The following CABLES1 variants were observed in gnomAD, a reference collection of about 807,000 sequenced individuals.
The protein encoded by CABLES1 is CDK5 and ABL1 enzyme substrate 1.
Under a neutral mutation model 57.8 loss-of-function variants are expected in CABLES1, and 36 were observed. The ratio of observed to expected loss-of-function variants is 0.62; its 90% CI spans 0.48 to 0.82. CABLES1 has a LOEUF of 0.82. Ranked by LOEUF, CABLES1 falls within the 40% of genes least tolerant of loss-of-function variation. The pLI is 0.00. For missense variants in CABLES1, 767 were observed against 836.6 expected, an observed-to-expected ratio of 0.92 and a Z score of 1.03; for synonymous variants, 374 against 363.0, an observed-to-expected ratio of 1.03 and a Z score of -0.35.
At chr18:23,207,571 A>G (rs1384914859) in intron 3 of CABLES1, among the ~76,000 whole-genome samples, 1 of 152,112 alleles carries the variant, frequency 6.6e-6, no homozygotes, top group Non-Finnish European at 1.5e-5. Context: ...CTCTGCATGG[A>G]GGTATCTCCC....
intron 1 of CABLES1, among the ~76,000 whole-genome samples, chr18:23,137,407 C>T (rs2046830161): frequency 6.6e-6 from 1 of 152,156 alleles, no homozygotes; most frequent in African/African-American, 2.4e-5. Context: ...GAGGTTGGGA[C>T]TGTGTGAACT....
At chr18:23,227,515 T>G (rs1172210105) in intron 4 of CABLES1, among the ~76,000 whole-genome samples, 1 of 151,994 alleles carries the variant, frequency 6.6e-6, no homozygotes, top group African/African-American at 2.4e-5. Flanking sequence ...TGAGTGGGAG[T>G]GGGAAGGGAC....
chr18:23,244,061 G>A lies in CABLES1; in HGVS notation c.1446+6816G>A, dbSNP rs150065469. Among the ~76,000 whole-genome samples the A allele has an allele frequency of 4.4e-3, 664 of 152,196 alleles. 1 individual carries two copies. The highest frequency in any genetic ancestry group is 7.0e-3 in the Non-Finnish European group (478 of 68,010). On this transcript the variant is annotated intron_variant, in intron 7 of 9. Transcript: ENST00000256925. Reference sequence around the variant, plus strand: ...GTCTCGGATTTTTGACAATCACTTCGTGATTTTGAACATGACGTTCCACGC... The same window carrying A: ...GTCTCGGATTTTTGACAATCACTTCATGATTTTGAACATGACGTTCCACGC...
chr18:23,229,576 C>G (rs1366387292), intron 4 of CABLES1, among the ~76,000 whole-genome samples: 1 of 152,228 alleles, frequency 6.6e-6, no homozygotes, highest in African/African-American at 2.4e-5. Flanking sequence ...AGAGTTAGTG[C>G]TGGCATTTCA....
chr18:23,147,227 G>A (rs1174030333), intron 1 of CABLES1, among the ~76,000 whole-genome samples: 1 of 152,152 alleles, frequency 6.6e-6, no homozygotes, highest in Non-Finnish European at 1.5e-5. Context: ...CACCCCTGCC[G>A]CTAGGCCTCT....
chr18:23,172,519 A>G (rs951208332), intron 1 of CABLES1, among the ~76,000 whole-genome samples: 2 of 152,180 alleles, frequency 1.3e-5, no homozygotes, highest in East Asian at 3.9e-4. Flanking sequence ...AGTCAATTGC[A>G]TTTATTTTAC....
chr18:23,223,718 G>A (rs560020996), intron 4 of CABLES1, among the ~76,000 whole-genome samples: 6 of 151,616 alleles, frequency 4.0e-5, no homozygotes, highest in Admixed American at 2.6e-4. Flanking sequence ...CATCCTCTCC[G>A]CCACCACCCA....
At chr18:23,236,980 G>A (rs969207098) in intron 6 of CABLES1, among the ~76,000 whole-genome samples, 162 bp from the exon 7 acceptor site, 3 of 152,162 alleles carry the variant, frequency 2.0e-5, no homozygotes, top group African/African-American at 4.8e-5. Flanking sequence ...ACTGGCACAC[G>A]GAGATGTCTA....
At chr18:23,242,663 A>G (rs2047765441) in intron 7 of CABLES1, among the ~76,000 whole-genome samples, 1 of 152,194 alleles carries the variant, frequency 6.6e-6, no homozygotes, top group African/African-American at 2.4e-5. Context: ...TTTCTTCTGT[A>G]AGAAATCCCT....
intron 4 of CABLES1, among the ~76,000 whole-genome samples, chr18:23,218,056 C>A (rs906805033): frequency 3.9e-5 from 6 of 152,188 alleles, no homozygotes; most frequent in African/African-American, 1.4e-4. Flanking sequence ...AAGCACAACA[C>A]CCCCGCCACC....
At chr18:23,254,613 CAT>C (rs2048118845) in intron 9 of CABLES1, among the ~76,000 whole-genome samples, 1 of 152,154 alleles carries the variant, frequency 6.6e-6, no homozygotes, top group Non-Finnish European at 1.5e-5. Flanking sequence ...ATGTATTTCT[CAT>C]AGTTTTGGAG....
At chr18:23,253,320 T>TA (rs1300196922) in intron 8 of CABLES1, among the ~76,000 whole-genome samples, 1 of 152,098 alleles carries the variant, frequency 6.6e-6, no homozygotes, top group African/African-American at 2.4e-5. Context: ...CCGTCTCTAC[T>TA]AAAAATTTAA....
At chr18:23,179,068 C>A (rs1456304056) in intron 1 of CABLES1, among the ~76,000 whole-genome samples, 5 of 152,148 alleles carry the variant, frequency 3.3e-5, no homozygotes, top group Admixed American at 6.5e-5. Flanking sequence ...GGCCAATTGC[C>A]TGAAGCCAGG....
chr18:23,157,672 T>G (rs2046974642), intron 1 of CABLES1, among the ~76,000 whole-genome samples: 1 of 65,660 alleles, frequency 1.5e-5, no homozygotes, highest in African/African-American at 4.8e-5. Flanking sequence ...TATTATTATC[T>G]CTTCTTAATA....
intron 4 of CABLES1, chr18:23,219,017 G>A (rs2047465840): frequency 5.4e-6 from 2 of 367,772 alleles, no homozygotes; most frequent in Admixed American, 3.4e-5. Context: ...TAAAAGCAGG[G>A]TGTTTGCTAT....
At chr18:23,194,735 AT>A (rs1157471126) in intron 3 of CABLES1, among the ~76,000 whole-genome samples, 195 bp downstream of exon 3, 8 of 152,380 alleles carry the variant, frequency 5.3e-5, no homozygotes, top group African/African-American at 1.9e-4. Context: ...GTAGAGAATA[AT>A]GAATGCTCTC....
In CABLES1 at chr18:23,196,166, C is replaced by T. The variant is rs150659876; in HGVS notation, c.1010+1626C>T. Among the ~76,000 whole-genome samples the T allele has an allele frequency of 1.2e-3, 188 of 152,242 alleles. 1 individual carries two copies. The highest frequency in any genetic ancestry group is 4.3e-3 in the African/African-American group (179 of 41,548). On this transcript the variant is annotated intron_variant, in intron 3 of 9. Transcript: ENST00000256925. ...CCAGCACACTCTTGACCTAAGAGAA[C>T]GTAAACAGCAAAGCCCGCAATTGCT...
In CABLES1 at chr18:23,208,922, C is replaced by T. The variant is rs1320254064; in HGVS notation, c.1011-5055C>T. Among the ~76,000 whole-genome samples the T allele has an allele frequency of 7.2e-5, 11 of 152,326 alleles. No homozygotes were observed. The East Asian group carries it at 1.2e-3, about 16-fold the overall frequency. On this transcript the variant is annotated intron_variant, in intron 3 of 9. Coordinates refer to ENST00000256925, the MANE Select transcript of CABLES1 (RefSeq NM_001100619.3). Reference sequence around the variant, plus strand: ...CCACTGTTAATGGCCTTCTTCCCTTCGTGCATGTGTAGGTATCTCCAAATT... The same window carrying T: ...CCACTGTTAATGGCCTTCTTCCCTTTGTGCATGTGTAGGTATCTCCAAATT...
intron 3 of CABLES1, among the ~76,000 whole-genome samples, chr18:23,212,537 A>C (rs762340235): frequency 1.3e-5 from 2 of 152,168 alleles, no homozygotes; most frequent in African/African-American, 2.4e-5. Context: ...TTTTGATTGC[A>C]TAGGATGCCT....
Sources: allele counts gnomAD v4.1 joint callset (sites outside exome capture counted in the v4.1 genomes callset), GRCh38; gene constraint gnomAD v4.1.1; transcripts MANE v1.5; gene names NCBI Gene and HGNC (gene_info 2026-07-23, HGNC 2026-07-21).